Variants in KCND2 observed in about 807,000 individuals in gnomAD.
The protein encoded by KCND2 is potassium voltage-gated channel subfamily D member 2.
KCND2 carries 16 observed loss-of-function variants against 54.4 expected under a neutral mutation model. The observed-to-expected ratio is 0.29, with a 90% CI of 0.20 to 0.45. The LOEUF (loss-of-function observed/expected upper bound fraction) is 0.45, where lower values mean the gene tolerates loss of function less well. Among genes scored for constraint, KCND2 ranks in the 20% least tolerant of loss-of-function variants. The pLI, the probability that KCND2 is intolerant of heterozygous loss-of-function variation, is 1.00. For missense variants in KCND2, 486 were observed against 824.2 expected (o/e 0.59, Z 5.02); for synonymous variants, 317 against 310.7 (o/e 1.02, Z -0.21).
chr7:120,444,887 A>G (rs1219267472), intron 1 of KCND2, among the ~76,000 whole-genome samples: 1 of 152,124 alleles, frequency 6.6e-6, no homozygotes, highest in Non-Finnish European at 1.5e-5. Context: ...CATATGGTAA[A>G]ATTAACACTT....
intron 1 of KCND2, among the ~76,000 whole-genome samples, chr7:120,468,049 G>A (rs1482691895): frequency 2.0e-5 from 3 of 152,018 alleles, no homozygotes; most frequent in African/African-American, 7.2e-5. Flanking sequence ...ATTCATGAAG[G>A]TAGGCTCTGG....
chr7:120,292,113 A>T (rs1799443396), intron 1 of KCND2, among the ~76,000 whole-genome samples: 1 of 151,934 alleles, frequency 6.6e-6, no homozygotes, highest in African/African-American at 2.4e-5. Context: ...ACACAAAATA[A>T]TAAATAATGC....
chr7:120,484,543 A>G (rs904114630), intron 1 of KCND2, among the ~76,000 whole-genome samples: 2 of 151,228 alleles, frequency 1.3e-5, no homozygotes, highest in East Asian at 1.9e-4. Context: ...TGCTATATCT[A>G]TGGCCCCTCA....
At chr7:120,449,587 A>C (rs1234677570) in intron 1 of KCND2, among the ~76,000 whole-genome samples, 2 of 152,226 alleles carry the variant, frequency 1.3e-5, no homozygotes, top group Non-Finnish European at 1.5e-5. Context: ...TTTAAAGCTA[A>C]GAGTTTAATT....
chr7:120,319,395 A>G (rs1799860036), intron 1 of KCND2, among the ~76,000 whole-genome samples: 1 of 152,092 alleles, frequency 6.6e-6, no homozygotes. Context: ...TTACTCTTCT[A>G]TCACATATAC....
intron 1 of KCND2, among the ~76,000 whole-genome samples, chr7:120,312,182 C>G (rs1799744239): frequency 6.6e-6 from 1 of 152,106 alleles, no homozygotes; most frequent in Non-Finnish European, 1.5e-5. Flanking sequence ...GCTGGGATTA[C>G]AGGCATGAGC....
intron 1 of KCND2, among the ~76,000 whole-genome samples, chr7:120,424,738 A>G (rs1468030115): frequency 3.9e-5 from 6 of 152,234 alleles, no homozygotes; most frequent in African/African-American, 1.4e-4. Context: ...CCTAGCTACT[A>G]GAAAAAATAA....
chr7:120,688,903 G>A lies in KCND2; in HGVS notation c.1116-44000G>A, dbSNP rs370574286. Among the ~76,000 whole-genome samples, 14 of 152,148 alleles carry A rather than the reference G, an allele frequency of 9.2e-5. 1 individual carries two copies. Among genetic ancestry groups the A allele is most frequent in the South Asian group, 2.1e-4 (1 of 4,830 alleles). ...AGAAAACTGAGCAAGAGGAAGGGAAGCCTTACCTCATGGATGCCAGTAACC... is the reference window on the plus strand; with the variant it reads ...AGAAAACTGAGCAAGAGGAAGGGAAACCTTACCTCATGGATGCCAGTAACC... On this transcript the variant is annotated intron_variant, in intron 1 of 5. Transcript: ENST00000331113.
At chr7:120,460,518 T>A (rs1260989762) in intron 1 of KCND2, among the ~76,000 whole-genome samples, 1 of 151,924 alleles carries the variant, frequency 6.6e-6, no homozygotes, top group Non-Finnish European at 1.5e-5. Flanking sequence ...CATCCTTAGG[T>A]TACTAAAAAC....
At chr7:120,326,074 T>G (rs1179461622) in intron 1 of KCND2, among the ~76,000 whole-genome samples, 1 of 152,120 alleles carries the variant, frequency 6.6e-6, no homozygotes, top group Non-Finnish European at 1.5e-5. Context: ...GGGGATCATT[T>G]TGTTTACTGA....
rs781193454 is a variant in KCND2, at chr7:120,437,907, C to G, written c.1115+162160C>G. ...TTTGAAGTGCCTCTGAGAATTAATG[C>G]CTCTTGGATGATGCTCCCTAAAAAC... On this transcript the variant is annotated intron_variant, in intron 1 of 5. Transcript: ENST00000331113. Among the ~76,000 whole-genome samples the G allele has an allele frequency of 1.4e-4, 21 of 152,272 alleles. 1 individual carries two copies. In the South Asian group the frequency reaches 2.3e-3, roughly 17 times the overall value.
At chr7:120,357,029 T>C (rs1800516273) in intron 1 of KCND2, among the ~76,000 whole-genome samples, 1 of 152,150 alleles carries the variant, frequency 6.6e-6, no homozygotes, top group Non-Finnish European at 1.5e-5. Context: ...GTAAGCTCTT[T>C]ATTTTCCCAT....
At chr7:120,353,894 C>T (rs545642382) in intron 1 of KCND2, among the ~76,000 whole-genome samples, 25 of 152,280 alleles carry the variant, frequency 1.6e-4, no homozygotes, top group African/African-American at 5.1e-4. Flanking sequence ...TTCATCTCCA[C>T]ATATTCATTG....
chr7:120,358,070 T>C (rs1040696945), intron 1 of KCND2, among the ~76,000 whole-genome samples: 4 of 152,082 alleles, frequency 2.6e-5, no homozygotes, highest in African/African-American at 9.7e-5. Context: ...TCTGATAACA[T>C]GCTGGAACAA....
intron 1 of KCND2, among the ~76,000 whole-genome samples, chr7:120,330,364 G>A (rs1217928229): frequency 1.3e-5 from 2 of 152,060 alleles, no homozygotes; most frequent in African/African-American, 2.4e-5. Context: ...TGAATCACCT[G>A]AGGTCAGGAG....
intron 2 of KCND2, among the ~76,000 whole-genome samples, chr7:120,740,468 T>G (rs147568158): frequency 6.6e-6 from 1 of 152,240 alleles, no homozygotes; most frequent in Non-Finnish European, 1.5e-5. Flanking sequence ...CATCCCAGTC[T>G]CTGTTTTACA....
chr7:120,532,537 C>T (rs556775209), intron 1 of KCND2, among the ~76,000 whole-genome samples: 8 of 151,724 alleles, frequency 5.3e-5, no homozygotes, highest in Non-Finnish European at 1.0e-4. Flanking sequence ...TTTGAGGAAA[C>T]TAGGATCAAG....
intron 4 of KCND2, among the ~76,000 whole-genome samples, chr7:120,743,076 T>C (rs901023323): frequency 4.6e-5 from 7 of 152,148 alleles, no homozygotes; most frequent in Non-Finnish European, 1.0e-4. Flanking sequence ...AGATAGATAA[T>C]AGAAACTATT....
intron 1 of KCND2, among the ~76,000 whole-genome samples, chr7:120,581,842 G>A (rs1230811319): frequency 5.3e-5 from 8 of 151,942 alleles, no homozygotes; most frequent in Non-Finnish European, 1.0e-4. Flanking sequence ...AGCCCAAGTA[G>A]CTGGGATTAC....
Sources: gnomAD v4.1 joint callset for allele counts (sites outside exome capture counted in the v4.1 genomes callset) on GRCh38, gnomAD v4.1.1 for gene constraint, MANE v1.5 for transcripts, NCBI Gene and HGNC (gene_info 2026-07-23, HGNC 2026-07-21) for gene names.